MAP3K21: variants seen among roughly 807,000 people sequenced by gnomAD.
The protein encoded by MAP3K21 is mitogen-activated protein kinase kinase kinase MLK4.
In MAP3K21, 63 loss-of-function variants were observed where a neutral mutation model predicts 86.1. The observed-to-expected ratio is 0.73, with a 90% CI of 0.60 to 0.90. The LOEUF (loss-of-function observed/expected upper bound fraction) is 0.90, where lower values mean the gene tolerates loss of function less well. Ranked by LOEUF, MAP3K21 falls within the 40% of genes least tolerant of loss-of-function variation. The pLI is 0.00. For missense variants in MAP3K21, 1,220 were observed against 1,367.7 expected, an observed-to-expected ratio of 0.89 and a Z score of 1.70; for synonymous variants, 558 against 564.8, an observed-to-expected ratio of 0.99 and a Z score of 0.17.
intron 1 of MAP3K21, among the ~76,000 whole-genome samples, chr1:233,337,339 A>G (rs1662936172): frequency 6.6e-6 from 1 of 152,256 alleles, no homozygotes; most frequent in African/African-American, 2.4e-5. Flanking sequence ...CATATATGTC[A>G]AAGAATTTAG....
rs138394059 is a variant in MAP3K21 at position 233,376,527 on chromosome 1, G to A, written c.1924G>A (p.Gly642Arg). The A allele has an allele frequency of 6.5e-5, 104 of 1,606,294 alleles. No homozygotes were observed. In the African/African-American group the frequency reaches 1.3e-3, roughly 20 times the overall value. The change falls in exon 8 of 10, where the codon GGG (glycine) becomes AGG (arginine). Residue 642 changes from glycine to arginine, a missense_variant and splice_region_variant. Physicochemically the swap from Gly to Arg is moderately radical, Grantham distance 125 (BLOSUM62 -2). Around this residue, in one of 5 missense-constraint regions of MAP3K21, gnomAD observed 632 missense variants for 691.3 expected, o/e 0.91. Transcript: ENST00000366624. The stretch of plus-strand genomic sequence containing the variant: ...GGCTTCATTGTTTGTGGACCAGCCA[G>A]GTAAATGTGTTTCAGGAGGTAGGAT... ...PLASLFVDQP[G>R]SCEEPKLSPD...
At chr1:233,378,047 T>C (rs1663832173) in intron 8 of MAP3K21, among the ~76,000 whole-genome samples, 1 of 152,208 alleles carries the variant, frequency 6.6e-6, no homozygotes, top group South Asian at 2.1e-4. Context: ...CACCTGCTGC[T>C]CACTTCCTGC....
At chr1:233,367,956 T>A (rs749995345) in intron 5 of MAP3K21, among the ~76,000 whole-genome samples, 1 of 152,212 alleles carries the variant, frequency 6.6e-6, no homozygotes, top group Non-Finnish European at 1.5e-5. Flanking sequence ...TTGGAAGCAC[T>A]CTGAATCTTA....
At chr1:233,358,469 A>ATTTTT (rs1457336705) in intron 4 of MAP3K21, among the ~76,000 whole-genome samples, 32 of 68,762 alleles carry the variant, frequency 4.7e-4, no homozygotes, top group Middle Eastern at 5.8e-3. Context: ...AAAGACTCTA[A>ATTTTT]TTTGTTTTTT....
At chr1:233,351,938 G>A (rs1183019992) in intron 2 of MAP3K21, among the ~76,000 whole-genome samples, 1 of 152,066 alleles carries the variant, frequency 6.6e-6, no homozygotes, top group African/African-American at 2.4e-5. Context: ...ACCCATGCTG[G>A]ACTGTGGTGG....
chr1:233,382,736 G>C lies in MAP3K21; in HGVS notation c.*25G>C. ...AACTAAGTGCCTTACTGTTGTTTAA[G>C]CATTTTTTTAAGGTGAACAAATGAA... On this transcript the variant is annotated 3_prime_UTR_variant, in exon 10 of 10. Coordinates refer to ENST00000366624, the MANE Select transcript of MAP3K21 (RefSeq NM_032435.3). 1 of 1,593,406 alleles carries C rather than the reference G, an allele frequency of 6.3e-7. No homozygotes were observed. The highest frequency in any genetic ancestry group is 8.6e-7 in the Non-Finnish European group (1 of 1,164,970).
chr1:233,372,181 C>T (rs767976778), intron 6 of MAP3K21, 21 bp downstream of exon 6: 9 of 1,612,920 alleles, frequency 5.6e-6, no homozygotes, highest in South Asian at 2.2e-5. Context: ...TGCACTGCCA[C>T]GGGGGCTCCT....
chr1:233,350,432 C>G (rs963562359), intron 2 of MAP3K21, among the ~76,000 whole-genome samples: 8 of 152,152 alleles, frequency 5.3e-5, no homozygotes, highest in Middle Eastern at 3.4e-3. Context: ...TCCGGATGGG[C>G]AAAAGCAGGG....
At chr1:233,339,389 T>TCTCCTCCTCCTC (rs1662990258) in intron 1 of MAP3K21, among the ~76,000 whole-genome samples, 2 of 45,778 alleles carry the variant, frequency 4.4e-5, no homozygotes, top group Non-Finnish European at 9.1e-5. Flanking sequence ...TTCTCCTTCT[T>TCTCCTCCTCCTC]CTCCTCCTTC....
chr1:233,350,493 T>C (rs566954001), intron 2 of MAP3K21, among the ~76,000 whole-genome samples: 1 of 152,280 alleles, frequency 6.6e-6, no homozygotes, highest in South Asian at 2.1e-4. Context: ...TCTCTTTCGA[T>C]GATATTTCCA....
intron 2 of MAP3K21, 84 bp downstream of exon 2, chr1:233,346,706 A>C: frequency 1.7e-6 from 2 of 1,193,740 alleles, no homozygotes; most frequent in South Asian, 1.4e-5. Context: ...AGTAATTCTC[A>C]GCATAAATAG....
At chr1:233,340,708 A>G (rs554913977) in intron 1 of MAP3K21, among the ~76,000 whole-genome samples, 17 of 152,318 alleles carry the variant, frequency 1.1e-4, no homozygotes, top group African/African-American at 3.9e-4. Flanking sequence ...GAAAGTTATC[A>G]TTCATTCCAT....
At position 233,328,355 on chromosome 1, in the gene MAP3K21, G is replaced by A. The variant is rs1662736942; in HGVS notation, c.327G>A (p.Pro109=). 3 of 1,468,064 alleles carry A rather than the reference G, an allele frequency of 2.0e-6. No individual in the cohort carries two copies. Among genetic ancestry groups the A allele is most frequent in the Admixed American group, 2.5e-5 (1 of 40,044 alleles). 90.9% of individuals were successfully genotyped at this position (1,468,064 alleles called of 1,614,324 possible). The change falls in exon 1 of 10, where the codon CCG becomes CCA. Residue 109 remains proline (P), a synonymous_variant. Transcript: ENST00000366624. The surrounding 1 kb of genome is among the most constrained non-coding windows in gnomAD (Gnocchi z 8.7). ...GCCCGGCCGCCAGCCCCGCGCCGCC[G>A]CCCTCGCGGCCCAGCTCCCCGGTAC... is the stretch of plus-strand genomic sequence containing the variant. ...PCRPAASPAP[P]PSRPSSPVHV...
In MAP3K21 at chr1:233,328,065, C is replaced by T; in HGVS notation, c.37C>T (p.Pro13Ser). 1 of 1,342,420 alleles carries T rather than the reference C, an allele frequency of 7.4e-7. No individual in the cohort carries two copies. Among genetic ancestry groups the T allele is most frequent in the Non-Finnish European group, 9.5e-7 (1 of 1,053,906 alleles). 83.2% of individuals were successfully genotyped at this position (1,342,420 alleles called of 1,614,324 possible). A position where few individuals can be genotyped will look rare whatever the true frequency, so the allele number is the denominator to read the frequency against. Residue 13 changes from proline (P) to serine (S), a missense_variant, in exon 1 of 10, where the codon CCG (proline) becomes TCG (serine). Pro to Ser is a moderately conservative substitution (Grantham distance 74). This residue lies in a region of MAP3K21 where 369 missense variants were observed against 385.3 expected (regional missense o/e 0.96). Coordinates refer to ENST00000366624, the MANE Select transcript of MAP3K21 (RefSeq NM_032435.3). This position sits in a 1 kb window ranked among gnomAD's most constrained non-coding sequence, Gnocchi z 8.7. ...GGGCGCCGCGGGAGCGACCGACACCCCGGTGTCCTCGGCCGGGGGAGCCCC... is the reference window on the plus strand; with the variant it reads ...GGGCGCCGCGGGAGCGACCGACACCTCGGTGTCCTCGGCCGGGGGAGCCCC... ...LRGAAGATDT[P>S]VSSAGGAPGG...
chr1:233,333,442 C>T (rs1050024098), intron 1 of MAP3K21, among the ~76,000 whole-genome samples: 2 of 152,042 alleles, frequency 1.3e-5, no homozygotes, highest in African/African-American at 4.8e-5. Flanking sequence ...TTCATGTTTG[C>T]GTATTAAAAA....
Position 233,381,117 on chromosome 1 carries a change from C to T in MAP3K21, c.2705-1188C>T, listed in dbSNP as rs148408930. 2.5e-3 allele frequency among the ~76,000 whole-genome samples: 377 copies of T among 152,282 alleles called. 1 individual carries two copies. The highest frequency in any genetic ancestry group is 9.0e-3 in the African/African-American group (373 of 41,562). On this transcript the variant is annotated intron_variant, in intron 9 of 9. Transcript: ENST00000366624. The stretch of plus-strand genomic sequence containing the variant: ...TAAGTTTGTGATGCTGGGGAAATTA[C>T]GTAGACTGCTTTCTTGTTTGAATGT...
Position 233,328,250 on chromosome 1 carries a change from G to C in MAP3K21, c.222G>C (p.Val74=). The C allele has an allele frequency of 6.7e-7, 1 of 1,490,184 alleles. No individual in the cohort carries two copies. The highest frequency in any genetic ancestry group is 8.9e-7 in the Non-Finnish European group (1 of 1,128,172). 92.3% of individuals were successfully genotyped at this position (1,490,184 alleles called of 1,614,324 possible). ...AGGTGCTGTCGCAGGACGCCGCCGT[G>C]TCGGGCGACGAGGGCTGGTGGGCAG... is the stretch of plus-strand genomic sequence containing the variant. The part of the protein sequence containing the change: ...LVEVLSQDAA[V]SGDEGWWAGQ... Residue 74 remains valine (V), a synonymous_variant, in exon 1 of 10, where the codon GTG becomes GTC. Transcript: ENST00000366624. This position sits in a 1 kb window ranked among gnomAD's most constrained non-coding sequence, Gnocchi z 8.7.
At chr1:233,334,121 G>T (rs1342882267) in intron 1 of MAP3K21, among the ~76,000 whole-genome samples, 15 of 150,644 alleles carry the variant, frequency 1.0e-4, no homozygotes, top group African/African-American at 2.4e-5. Context: ...CGCCTCGGCC[G>T]CCCAAAGTAC....
In MAP3K21 at chr1:233,384,478, G is replaced by A. The variant is rs1468648915; in HGVS notation, c.*1767G>A. 6 of 152,178 alleles carry A rather than the reference G, an allele frequency of 3.9e-5. No individual in the cohort carries two copies. In the South Asian group the frequency reaches 1.2e-3, roughly 32 times the overall value. The allele number at this position is 152,178 out of a possible 1,614,324, so 9.4% of individuals were successfully genotyped here. A position where few individuals can be genotyped will look rare whatever the true frequency, so the allele number is the denominator to read the frequency against. ...TGTGGTTATTGAATTATGTAACAGA[G>A]ATTTGGTTTTCCCAAAATGTTATCA... On this transcript the variant is annotated 3_prime_UTR_variant, in exon 10 of 10. Coordinates refer to ENST00000366624, the MANE Select transcript of MAP3K21 (RefSeq NM_032435.3).
Sources: gnomAD v4.1 joint callset for allele counts (sites outside exome capture counted in the v4.1 genomes callset) on GRCh38, gnomAD v4.1.1 for gene constraint, gnomAD v4.1.1 regional missense constraint, Gnocchi (gnomAD v3.1) non-coding constraint, MANE v1.5 for transcripts, NCBI Gene and HGNC (gene_info 2026-07-23, HGNC 2026-07-21) for gene names.